Variants in SORCS3 observed in about 807,000 individuals in gnomAD.
SORCS3 encodes sortilin related VPS10 domain containing receptor 3.
In SORCS3, 57 loss-of-function variants were observed where a neutral mutation model predicts 146.3. The ratio of observed to expected loss-of-function variants is 0.39; its 90% confidence interval spans 0.31 to 0.49. The LOEUF is 0.49. Among genes scored for constraint, SORCS3 ranks in the 20% least tolerant of loss-of-function variants. The pLI is 0.92. For missense variants in SORCS3, 1,341 were observed against 1,575.5 expected (o/e 0.85, Z 2.52); for synonymous variants, 653 against 618.5 (o/e 1.06, Z -0.83).
chr10:105,088,192 T>G (rs1358788303), intron 5 of SORCS3, among the ~76,000 whole-genome samples: 1 of 152,238 alleles, frequency 6.6e-6, no homozygotes, highest in Admixed American at 6.5e-5. Context: ...CTAGTCCCTG[T>G]GTGGCCTTAG....
chr10:105,099,840 G>T (rs1432670982), intron 6 of SORCS3, among the ~76,000 whole-genome samples: 3 of 152,098 alleles, frequency 2.0e-5, no homozygotes, highest in African/African-American at 7.2e-5. Flanking sequence ...GCATCCTAAG[G>T]CATATTCATT....
intron 2 of SORCS3, among the ~76,000 whole-genome samples, chr10:104,857,614 T>A (rs2018348769): frequency 6.6e-6 from 1 of 152,166 alleles, no homozygotes; most frequent in South Asian, 2.1e-4. Flanking sequence ...AGCTTCCTTG[T>A]TTGAAGGGAA....
chr10:105,144,611 A>G (rs1308768917), intron 8 of SORCS3, among the ~76,000 whole-genome samples: 3 of 152,256 alleles, frequency 2.0e-5, no homozygotes, highest in South Asian at 4.1e-4. Flanking sequence ...CTTTCCAAAT[A>G]TAAATATGTA....
At chr10:104,675,948 A>G (rs555083629) in intron 1 of SORCS3, among the ~76,000 whole-genome samples, 1 of 152,290 alleles carries the variant, frequency 6.6e-6, no homozygotes, top group African/African-American at 2.4e-5. Flanking sequence ...AAGCTTGGGG[A>G]AGAGGAACCT....
intron 9 of SORCS3, among the ~76,000 whole-genome samples, chr10:105,148,143 G>A (rs549602623): frequency 6.6e-6 from 1 of 152,156 alleles, no homozygotes; most frequent in East Asian, 1.9e-4. Context: ...ACTCTGTGTT[G>A]CTTTTGTGGA....
intron 3 of SORCS3, among the ~76,000 whole-genome samples, chr10:104,951,182 G>A (rs1447693604): frequency 6.6e-6 from 1 of 151,862 alleles, no homozygotes; most frequent in African/African-American, 2.4e-5. Context: ...CACATAACAG[G>A]CCCTTTAATG....
intron 7 of SORCS3, among the ~76,000 whole-genome samples, chr10:105,113,605 TAG>T (rs2055873366): frequency 6.6e-6 from 1 of 152,178 alleles, no homozygotes; most frequent in Non-Finnish European, 1.5e-5. Flanking sequence ...TCCTACTATT[TAG>T]AGAGACCTGG....
intron 6 of SORCS3, among the ~76,000 whole-genome samples, chr10:105,094,999 G>A (rs1026972929): frequency 6.6e-6 from 1 of 152,188 alleles, no homozygotes; most frequent in African/African-American, 2.4e-5. Context: ...ATCCTTGCCT[G>A]TTTATAATGA....
chr10:104,916,267 A>G lies in SORCS3; in HGVS notation c.795+335A>G, dbSNP rs561376427. Among the ~76,000 whole-genome samples, 4 of 152,322 alleles carry G rather than the reference A, an allele frequency of 2.6e-5. No individual in the cohort carries two copies. The East Asian group carries it at 7.7e-4, about 29-fold the overall frequency. On this transcript the variant is annotated intron_variant, in intron 3 of 26. Coordinates refer to ENST00000369701, the MANE Select transcript of SORCS3 (RefSeq NM_014978.3). ...GAGATGAAGTAACTTTCTACCCTGA[A>G]TCAGATGGTGGTAAGTAACAGATCT...
chr10:104,761,709 G>A (rs1209375847), intron 1 of SORCS3, among the ~76,000 whole-genome samples: 1 of 152,162 alleles, frequency 6.6e-6, no homozygotes, highest in African/African-American at 2.4e-5. Flanking sequence ...GAGGGTGAAT[G>A]TGATCAAACA....
chr10:104,725,609 T>C (rs61863175), intron 1 of SORCS3, among the ~76,000 whole-genome samples: 22,094 of 152,232 alleles, frequency 0.15, 2,094 homozygotes, highest in Middle Eastern at 0.28. Flanking sequence ...CTCCTTGAGC[T>C]GAGGTGGGCT....
rs1554844344 is a variant in SORCS3, at chr10:104,696,226, A to AATATATATCATATACACATATAATATATG, written c.627+54293_627+54294insAATATATGATATATATCATATACACATAT. Among the ~76,000 whole-genome samples, 14 of 23,598 alleles carry AATATATATCATATACACATATAATATATG rather than the reference A, an allele frequency of 5.9e-4. 4 individuals carry two copies. Among genetic ancestry groups the AATATATATCATATACACATATAATATATG allele is most frequent in the African/African-American group, 1.3e-3 (7 of 5,246 alleles). 15.5% of individuals were successfully genotyped at this position (23,598 alleles called of 152,430 possible). ...TAATATATATCATATACACATATAT[A>AATATATATCATATACACATATAATATATG]ATATATATCATATACACATATGATA... On this transcript the variant is annotated intron_variant, in intron 1 of 26. Coordinates refer to ENST00000369701, the MANE Select transcript of SORCS3 (RefSeq NM_014978.3).
At chr10:105,148,291 C>T (rs571350410) in intron 9 of SORCS3, among the ~76,000 whole-genome samples, 2 of 152,012 alleles carry the variant, frequency 1.3e-5, no homozygotes, top group East Asian at 1.9e-4. Flanking sequence ...CACCAGATGC[C>T]GACATCTATG....
intron 2 of SORCS3, among the ~76,000 whole-genome samples, chr10:104,846,950 A>G (rs952609882): frequency 6.6e-6 from 1 of 152,184 alleles, no homozygotes; most frequent in African/African-American, 2.4e-5. Context: ...TCATATATCC[A>G]TCTTCAAAAA....
intron 1 of SORCS3, among the ~76,000 whole-genome samples, chr10:104,805,652 G>A (rs1046703828): frequency 6.6e-6 from 1 of 152,098 alleles, no homozygotes; most frequent in Non-Finnish European, 1.5e-5. Flanking sequence ...TACTCTTCTT[G>A]ATGGTGGGAT....
intron 1 of SORCS3, among the ~76,000 whole-genome samples, chr10:104,790,883 T>C (rs1218408672): frequency 6.6e-6 from 1 of 152,246 alleles, no homozygotes; most frequent in African/African-American, 2.4e-5. Flanking sequence ...AACCCTCTCT[T>C]CTTTGTTTTA....
intron 1 of SORCS3, among the ~76,000 whole-genome samples, chr10:104,798,860 AC>A (rs201455285): frequency 0.024 from 3,601 of 152,322 alleles, 149 homozygotes; most frequent in African/African-American, 0.082. Context: ...CAAGAAAAAA[AC>A]AACCCCATTA....
chr10:105,235,981 G>A, intron 20 of SORCS3, among the ~76,000 whole-genome samples: 1 of 152,060 alleles, frequency 6.6e-6, no homozygotes, highest in Non-Finnish European at 1.5e-5. Context: ...TGCTTTTCAT[G>A]ATGTTATTAG....
At chr10:104,676,007 TG>T (rs1379720494) in intron 1 of SORCS3, among the ~76,000 whole-genome samples, 3 of 152,230 alleles carry the variant, frequency 2.0e-5, no homozygotes, top group African/African-American at 7.2e-5. Context: ...ACTTTTCAGT[TG>T]AAAGGTCTTG....
Sources: gnomAD v4.1 joint callset for allele counts (sites outside exome capture counted in the v4.1 genomes callset) on GRCh38, gnomAD v4.1.1 for gene constraint, MANE v1.5 for transcripts, NCBI Gene and HGNC (gene_info 2026-07-23, HGNC 2026-07-21) for gene names.